Variants in PPP3CA observed in about 807,000 individuals in gnomAD.
PPP3CA encodes the protein CAM-PRP catalytic subunit.
A neutral mutation model predicts 66.5 loss-of-function variants in PPP3CA; 14 were observed. The ratio of observed to expected loss-of-function variants is 0.21; its 90% CI spans 0.14 to 0.33. The LOEUF (loss-of-function observed/expected upper bound fraction) is 0.33. Among genes scored for constraint, PPP3CA ranks in the 10% least tolerant of loss-of-function variants. The pLI, the probability that PPP3CA is intolerant of heterozygous loss-of-function variation, is 1.00. For missense variants in PPP3CA, 317 were observed against 639.5 expected, an observed-to-expected ratio of 0.50 and a Z score of 5.44; for synonymous variants, 232 against 226.2, an observed-to-expected ratio of 1.03 and a Z score of -0.23.
At chr4:101,314,774 G>A (rs972277015) in intron 1 of PPP3CA, among the ~76,000 whole-genome samples, 1 of 151,720 alleles carries the variant, frequency 6.6e-6, no homozygotes, top group Non-Finnish European at 1.5e-5. Flanking sequence ...AATTGAACTA[G>A]AGAAAGAAAA....
chr4:101,282,425 A>G (rs1727714802), intron 1 of PPP3CA, among the ~76,000 whole-genome samples: 1 of 152,186 alleles, frequency 6.6e-6, no homozygotes, highest in South Asian at 2.1e-4. Context: ...TAAGTTGGTA[A>G]GACATGGACT....
chr4:101,320,418 C>A (rs1373269149), intron 1 of PPP3CA, among the ~76,000 whole-genome samples: 1 of 146,966 alleles, frequency 6.8e-6, no homozygotes, highest in Non-Finnish European at 1.5e-5. Flanking sequence ...TATGGCATAG[C>A]TTGAATGGTA....
In PPP3CA at chr4:101,085,855, CACAGAG is replaced by C. The variant is rs1560594256; in HGVS notation, c.783-2598_783-2593del. Among the ~76,000 whole-genome samples, 65 of 102,022 alleles carry C rather than the reference CACAGAG, an allele frequency of 6.4e-4. 1 individual carries two copies. Among genetic ancestry groups the C allele is most frequent in the African/African-American group, 2.8e-3 (56 of 19,858 alleles). 66.9% of individuals were successfully genotyped at this position (102,022 alleles called of 152,430 possible). ...GTATATACACACACACACACACACACACAGAGAGAGAGAGAGAGAAAGAGCGAGAGA... is the reference window on the plus strand; with the variant it reads ...GTATATACACACACACACACACACACAGAGAGAGAGAGAAAGAGCGAGAGA... On this transcript the variant is annotated intron_variant, in intron 6 of 13. Transcript: ENST00000394854.
At chr4:101,112,007 C>G (rs907218253) in intron 2 of PPP3CA, among the ~76,000 whole-genome samples, 1 of 151,984 alleles carries the variant, frequency 6.6e-6, no homozygotes, top group Admixed American at 6.6e-5. Flanking sequence ...CTTCTTGTAT[C>G]TTTTTTACTC....
chr4:101,342,573 C>G (rs1458742322), intron 1 of PPP3CA, among the ~76,000 whole-genome samples: 1 of 152,100 alleles, frequency 6.6e-6, no homozygotes, highest in Non-Finnish European at 1.5e-5. Flanking sequence ...GGTTATCGGA[C>G]CCCTTTCTTC....
chr4:101,084,233 A>C (rs1463518007), intron 6 of PPP3CA, among the ~76,000 whole-genome samples: 1 of 152,234 alleles, frequency 6.6e-6, no homozygotes, highest in Non-Finnish European at 1.5e-5. Context: ...CACTGCAGGG[A>C]AACATTCTAG....
At chr4:101,274,518 T>C (rs1212496332) in intron 1 of PPP3CA, among the ~76,000 whole-genome samples, 3 of 152,228 alleles carry the variant, frequency 2.0e-5, no homozygotes, top group Non-Finnish European at 4.4e-5. Flanking sequence ...GGCAAACTTA[T>C]TCTGTACAGA....
At chr4:101,095,511 A>G (rs758092710) in intron 5 of PPP3CA, among the ~76,000 whole-genome samples, 6 of 152,214 alleles carry the variant, frequency 3.9e-5, no homozygotes, top group Non-Finnish European at 8.8e-5. Flanking sequence ...AATTGAATAT[A>G]ATATCTAAAA....
At chr4:101,240,612 G>T (rs1038171017) in intron 1 of PPP3CA, among the ~76,000 whole-genome samples, 2 of 151,956 alleles carry the variant, frequency 1.3e-5, no homozygotes, top group African/African-American at 4.8e-5. Flanking sequence ...CAGGATTTGG[G>T]TAAGACAGAC....
chr4:101,207,126 G>A (rs998940455), intron 1 of PPP3CA, among the ~76,000 whole-genome samples: 1 of 152,100 alleles, frequency 6.6e-6, no homozygotes, highest in Admixed American at 6.5e-5. Flanking sequence ...TAAATCTGTT[G>A]TTATTTATGA....
chr4:101,164,562 G>GTTTTTTTT lies in PPP3CA; in HGVS notation c.259+31346_259+31353dup, dbSNP rs36078367. 1.3e-3 allele frequency among the ~76,000 whole-genome samples: 183 copies of GTTTTTTTT among 142,186 alleles called. 2 individuals are homozygous for GTTTTTTTT. Among genetic ancestry groups the GTTTTTTTT allele is most frequent in the Middle Eastern group, 0.011 (3 of 272 alleles). 93.3% of individuals were successfully genotyped at this position (142,186 alleles called of 152,430 possible). Reference sequence around the variant, plus strand: ...TATTTCTAAAAATAATGGGATTTAAGTTTTTTTTTTTTTTTAGGGTCCTGG... The same window carrying GTTTTTTTT: ...TATTTCTAAAAATAATGGGATTTAAGTTTTTTTTTTTTTTTTTTTTTTTAGGGTCCTGG... On this transcript the variant is annotated intron_variant, in intron 2 of 13. Coordinates refer to ENST00000394854, the MANE Select transcript of PPP3CA (RefSeq NM_000944.5).
At chr4:101,330,398 C>T (rs1332418696) in intron 1 of PPP3CA, 1 of 531,502 alleles carries the variant, frequency 1.9e-6, no homozygotes, top group African/African-American at 1.9e-5. Flanking sequence ...TGAGAAGCAA[C>T]TCAAAGGATT....
At chr4:101,145,236 C>A (rs1017607520) in intron 2 of PPP3CA, among the ~76,000 whole-genome samples, 2 of 151,920 alleles carry the variant, frequency 1.3e-5, no homozygotes, top group Non-Finnish European at 2.9e-5. Flanking sequence ...TGGAAGTTCC[C>A]CAAAAAACTA....
intron 1 of PPP3CA, among the ~76,000 whole-genome samples, chr4:101,284,735 A>G (rs940075827): frequency 6.6e-6 from 1 of 151,922 alleles, no homozygotes; most frequent in Non-Finnish European, 1.5e-5. Flanking sequence ...ATAGTTACCC[A>G]TATCTAAAAG....
chr4:101,326,501 G>C (rs1479320183), intron 1 of PPP3CA, among the ~76,000 whole-genome samples: 1 of 152,164 alleles, frequency 6.6e-6, no homozygotes, highest in Admixed American at 6.5e-5. Context: ...AAAAAGAATG[G>C]TAATGTGTTT....
rs553659882 is a variant in PPP3CA at position 101,104,263 on chromosome 4, T to C, written c.385-4541A>G. Among the ~76,000 whole-genome samples the C allele has an allele frequency of 3.3e-5, 5 of 152,296 alleles. No homozygotes were observed. In the South Asian group the frequency reaches 1.0e-3, roughly 32 times the overall value. ...TGAATTGAGATCCTTTTGAAGCCTGTTAGGATAATACACGCTGGAAAACTG... is the reference window on the plus strand; with the variant it reads ...TGAATTGAGATCCTTTTGAAGCCTGCTAGGATAATACACGCTGGAAAACTG... On this transcript the variant is annotated intron_variant, in intron 3 of 13. Coordinates refer to ENST00000394854, the MANE Select transcript of PPP3CA (RefSeq NM_000944.5).
chr4:101,332,246 A>G (rs190696028), intron 1 of PPP3CA, among the ~76,000 whole-genome samples: 13 of 152,358 alleles, frequency 8.5e-5, no homozygotes, highest in African/African-American at 3.1e-4. Context: ...TTTCAAATAC[A>G]GATGTGCCAG....
At chr4:101,166,743 C>T (rs1231998687) in intron 2 of PPP3CA, among the ~76,000 whole-genome samples, 1 of 152,084 alleles carries the variant, frequency 6.6e-6, no homozygotes, top group African/African-American at 2.4e-5. Context: ...ATACTTTTTA[C>T]CTCTAAGGAT....
In PPP3CA at chr4:101,123,224, GC is replaced by G. The variant is rs563477269; in HGVS notation, c.260-14147del. Among the ~76,000 whole-genome samples, 215 of 152,238 alleles carry G rather than the reference GC, an allele frequency of 1.4e-3. 1 individual carries two copies. Among genetic ancestry groups the G allele is most frequent in the African/African-American group, 5.0e-3 (208 of 41,528 alleles). On this transcript the variant is annotated intron_variant, in intron 2 of 13. Coordinates refer to ENST00000394854, the MANE Select transcript of PPP3CA (RefSeq NM_000944.5). Reference sequence around the variant, plus strand: ...CTTTGTCTATTGTTGCATTCCTAGGGCCTAGGATAGTGCCTGGCACATAGGG... The same window carrying G: ...CTTTGTCTATTGTTGCATTCCTAGGGCTAGGATAGTGCCTGGCACATAGGG...
Sources: allele counts gnomAD v4.1 joint callset (sites outside exome capture counted in the v4.1 genomes callset), GRCh38; gene constraint gnomAD v4.1.1; transcripts MANE v1.5; gene names NCBI Gene and HGNC (gene_info 2026-07-23, HGNC 2026-07-21).